The following MYO10 variants were observed in gnomAD, a reference collection of about 807,000 sequenced individuals.
MYO10 encodes unconventional myosin-X.
A neutral mutation model predicts 257.3 loss-of-function variants in MYO10; 133 were observed. That is an observed-to-expected ratio of 0.52 (90% confidence interval 0.45 to 0.60). MYO10 has a LOEUF of 0.60. Among genes scored for constraint, MYO10 ranks in the 20% least tolerant of loss-of-function variants. The pLI is 0.00. For synonymous variants in MYO10, 1,104 were observed against 1,028.6 expected (o/e 1.07, Z -1.40); for missense variants, 2,399 against 2,635.7 (o/e 0.91, Z 1.97).
intron 3 of MYO10, among the ~76,000 whole-genome samples, chr5:16,813,209 T>A (rs1473645936): frequency 5.3e-5 from 8 of 152,204 alleles, no homozygotes; most frequent in Admixed American, 5.2e-4. Context: ...GAGTCCCTCC[T>A]CAATGATATG....
intron 1 of MYO10, among the ~76,000 whole-genome samples, chr5:16,917,940 A>G (rs1745870871): frequency 6.6e-6 from 1 of 152,218 alleles, no homozygotes. Context: ...ATACTTTACA[A>G]CAAAGAATAT....
chr5:16,774,194 G>A (rs1003243479), intron 9 of MYO10, among the ~76,000 whole-genome samples: 1 of 152,094 alleles, frequency 6.6e-6, no homozygotes, highest in Non-Finnish European at 1.5e-5. Flanking sequence ...GTGTGTTGGG[G>A]GATGGTGGCG....
At chr5:16,844,044 C>T (rs1290790279) in intron 2 of MYO10, among the ~76,000 whole-genome samples, 2 of 152,154 alleles carry the variant, frequency 1.3e-5, no homozygotes, top group African/African-American at 4.8e-5. Flanking sequence ...GTGGGTTGTC[C>T]CGTCACTCAT....
chr5:16,929,032 A>T (rs1226900184), intron 1 of MYO10, among the ~76,000 whole-genome samples: 1 of 150,592 alleles, frequency 6.6e-6, no homozygotes, highest in Non-Finnish European at 1.5e-5. Context: ...AGCTCACTGC[A>T]AGCTCCGCCT....
chr5:16,796,446 A>AAGAC (rs2126683183), intron 3 of MYO10, among the ~76,000 whole-genome samples: 1 of 90,542 alleles, frequency 1.1e-5, no homozygotes. Context: ...GAAAGACAGA[A>AAGAC]AGAAAGAAAG....
intron 19 of MYO10, among the ~76,000 whole-genome samples, chr5:16,745,474 C>T (rs904066055): frequency 4.2e-4 from 64 of 152,130 alleles, no homozygotes; most frequent in African/African-American, 1.5e-3. Context: ...TCGCTTGAGG[C>T]CAAAAGTTTG....
intron 22 of MYO10, 32 bp from the exon 23 acceptor site, chr5:16,703,190 T>C (rs142201951): frequency 1.3e-6 from 2 of 1,518,780 alleles, no homozygotes; most frequent in East Asian, 2.3e-5. Flanking sequence ...AGAATCGGCA[T>C]TGAAGTAATG....
At chr5:16,730,839 C>T (rs899946982) in intron 19 of MYO10, among the ~76,000 whole-genome samples, 1 of 152,120 alleles carries the variant, frequency 6.6e-6, no homozygotes, top group Non-Finnish European at 1.5e-5. Flanking sequence ...GACAGGGATG[C>T]AGCACGCTGC....
At chr5:16,739,426 A>G (rs1446143632) in intron 19 of MYO10, among the ~76,000 whole-genome samples, 1 of 152,214 alleles carries the variant, frequency 6.6e-6, no homozygotes, top group Non-Finnish European at 1.5e-5. Context: ...ATTGTTATAC[A>G]CATTGGATAT....
In MYO10 at chr5:16,877,652, G is replaced by T; in HGVS notation, c.77C>A (p.Ser26Tyr). The T allele has an allele frequency of 6.2e-7, 1 of 1,613,788 alleles. No homozygotes were observed. The highest frequency in any genetic ancestry group is 2.2e-5 in the East Asian group (1 of 44,872). Residue 26 changes from serine to tyrosine, a missense_variant, in exon 2 of 41, where the codon TCC (serine) becomes TAC (tyrosine). Coordinates refer to ENST00000513610, the MANE Select transcript of MYO10 (RefSeq NM_012334.3). ...GAAGACGACGATGCCTTCTGCACAG[G>T]AATTTACAGTACTTGGAAAATGCTG... is the stretch of plus-strand genomic sequence containing the variant. ...NGQHFPSTVN[S>Y]CAEGIVVFRT...
intron 19 of MYO10, among the ~76,000 whole-genome samples, chr5:16,745,001 A>G (rs186073453): frequency 6.6e-6 from 1 of 152,366 alleles, no homozygotes; most frequent in East Asian, 1.9e-4. Context: ...GAAGAAGAGC[A>G]GCGAATGGAA....
At position 16,681,367 on chromosome 5, in the gene MYO10, C is replaced by G; in HGVS notation, c.4326G>C (p.Leu1442=). ...SEKNALKLGT[L]VLNSLCSVVP... The stretch of plus-strand genomic sequence containing the variant: ...CGACAGAGCAGAGGCTGTTGAGGAC[C>G]AGGGTCCCCAGTTTGAGCGCGTTCT... Residue 1442 remains leucine, a synonymous_variant, in exon 32 of 41, where the codon CTG becomes CTC. Transcript: ENST00000513610. 6.2e-7 allele frequency: 1 copy of G among 1,613,974 alleles called. No individual in the cohort carries two copies. The highest frequency in any genetic ancestry group is 1.6e-4 in the Middle Eastern group (1 of 6,062).
At chr5:16,671,021 A>AT in intron 38 of MYO10, 43 bp from the exon 39 acceptor site, 1 of 1,505,200 alleles carries the variant, frequency 6.6e-7, no homozygotes, top group Non-Finnish European at 9.0e-7. Context: ...ACGCACTGCC[A>AT]TGCCATGGGA....
intron 33 of MYO10, among the ~76,000 whole-genome samples, chr5:16,676,502 G>A (rs2126481519): frequency 6.6e-6 from 1 of 152,308 alleles, no homozygotes; most frequent in East Asian, 1.9e-4. Context: ...GGATCGTGAG[G>A]TCAGCAGTTC....
chr5:16,672,604 A>G (rs1736521286), intron 37 of MYO10, 85 bp downstream of exon 37: 2 of 1,522,764 alleles, frequency 1.3e-6, no homozygotes, highest in Admixed American at 1.8e-5. Flanking sequence ...TGAAGCCACA[A>G]ATGGAATGGG....
chr5:16,860,777 C>T (rs1006526747), intron 2 of MYO10, among the ~76,000 whole-genome samples: 1 of 151,822 alleles, frequency 6.6e-6, no homozygotes, highest in African/African-American at 2.4e-5. Flanking sequence ...GGTGGATGGA[C>T]GGATGGAGAG....
At position 16,829,752 on chromosome 5, in the gene MYO10, C is replaced by T. The variant is rs12519799; in HGVS notation, c.121-11585G>A. Among the ~76,000 whole-genome samples, 5 of 152,064 alleles carry T rather than the reference C, an allele frequency of 3.3e-5. No homozygotes were observed. In the South Asian group the frequency reaches 6.2e-4, roughly 19 times the overall value. On this transcript the variant is annotated intron_variant, in intron 2 of 40. Transcript: ENST00000513610. ...CACACAACAAGCAGTGCAGACGCAA[C>T]GAACACACTTTCACAGTAACTACTC...
chr5:16,696,887 A>G (rs257198), intron 26 of MYO10, among the ~76,000 whole-genome samples: 51,490 of 150,676 alleles, frequency 0.34, 9,142 homozygotes, highest in African/African-American at 0.41. Flanking sequence ...AATGTCATAC[A>G]TTAAGAGGAA....
intron 2 of MYO10, among the ~76,000 whole-genome samples, chr5:16,869,975 A>G (rs1222416798): frequency 6.6e-6 from 1 of 151,252 alleles, no homozygotes; most frequent in Non-Finnish European, 1.5e-5. Flanking sequence ...GGAAGCAGGC[A>G]GGTGTGCCCT....
Sources: gnomAD v4.1 joint callset for allele counts (sites outside exome capture counted in the v4.1 genomes callset) on GRCh38, gnomAD v4.1.1 for gene constraint, MANE v1.5 for transcripts, NCBI Gene and HGNC (gene_info 2026-07-23, HGNC 2026-07-21) for gene names.